NRF1: variants seen among roughly 807,000 people sequenced by gnomAD.
The protein encoded by NRF1 is nuclear respiratory factor 1, also known as alpha palindromic-binding protein.
A neutral mutation model predicts 58.5 loss-of-function variants in NRF1; 5 were observed. The observed-to-expected ratio is 0.09, with a 90% confidence interval of 0.04 to 0.18. The LOEUF (loss-of-function observed/expected upper bound fraction) is 0.18, where lower values mean the gene tolerates loss of function less well. Among genes scored for constraint, NRF1 ranks in the 10% least tolerant of loss-of-function variants. The probability of loss-of-function intolerance (pLI) is 1.00; values close to 1 mark genes in which losing one functional copy is unlikely to be tolerated. For synonymous variants in NRF1, 224 were observed against 246.7 expected (o/e 0.91, Z 0.86); for missense variants, 288 against 657.7 (o/e 0.44, Z 6.15).
chr7:129,755,640 G>A lies in NRF1; in HGVS notation c.*459G>A, dbSNP rs992570673. The A allele has an allele frequency of 1.3e-5, 2 of 152,496 alleles. No individual in the cohort carries two copies. Among genetic ancestry groups the A allele is most frequent in the African/African-American group, 4.8e-5 (2 of 41,398 alleles). The allele number at this position is 152,496 out of a possible 1,614,324, so 9.4% of individuals were successfully genotyped here. A position where few individuals can be genotyped will look rare whatever the true frequency, so the allele number is the denominator to read the frequency against. ...AACAATAATTCACCCAGTTTAGTGGGTGGTAGGGTACGTGGCCAGACACAG... is the reference window on the plus strand; with the variant it reads ...AACAATAATTCACCCAGTTTAGTGGATGGTAGGGTACGTGGCCAGACACAG... On this transcript the variant is annotated 3_prime_UTR_variant, in exon 11 of 11. Transcript: ENST00000393232. This position sits in a 1 kb window ranked among gnomAD's most constrained non-coding sequence, Gnocchi z 5.8.
At chr7:129,636,790 C>G (rs1347028555) in intron 1 of NRF1, among the ~76,000 whole-genome samples, 1 of 152,048 alleles carries the variant, frequency 6.6e-6, no homozygotes, top group Non-Finnish European at 1.5e-5. Flanking sequence ...AAACATAAAC[C>G]TTAGACAATA....
intron 10 of NRF1, among the ~76,000 whole-genome samples, chr7:129,752,606 C>G (rs1804145366): frequency 6.6e-6 from 1 of 152,064 alleles, no homozygotes; most frequent in Non-Finnish European, 1.5e-5. Context: ...AATCCTAGCA[C>G]TTTGGAAAGC....
At chr7:129,736,473 T>G (rs889178613) in intron 10 of NRF1, among the ~76,000 whole-genome samples, 8 of 151,916 alleles carry the variant, frequency 5.3e-5, no homozygotes, top group African/African-American at 2.4e-5. Context: ...GCCAGGCTGG[T>G]CTCGAACTCC....
chr7:129,619,435 C>T (rs12530594), intron 1 of NRF1, among the ~76,000 whole-genome samples: 5,140 of 67,806 alleles, frequency 0.076, 210 homozygotes, highest in Non-Finnish European at 0.093. Context: ...TATATATATA[C>T]ACACACACAC....
chr7:129,694,988 G>A (rs1054242670), intron 5 of NRF1, among the ~76,000 whole-genome samples: 1 of 152,202 alleles, frequency 6.6e-6, no homozygotes, highest in Non-Finnish European at 1.5e-5. Context: ...AGGAAGACGA[G>A]CAGCATAGCC....
At chr7:129,695,462 G>A (rs1011445648) in intron 5 of NRF1, among the ~76,000 whole-genome samples, 2 of 151,772 alleles carry the variant, frequency 1.3e-5, no homozygotes, top group African/African-American at 4.8e-5. Flanking sequence ...CTGTAATCCA[G>A]CTACTCGGGA....
chr7:129,729,436 AT>A (rs1370581813), intron 10 of NRF1, among the ~76,000 whole-genome samples: 1 of 152,162 alleles, frequency 6.6e-6, no homozygotes, highest in Non-Finnish European at 1.5e-5. Flanking sequence ...AAAAGCCAGT[AT>A]TTCCCCCAAA....
intron 3 of NRF1, among the ~76,000 whole-genome samples, chr7:129,673,930 G>A (rs553310162): frequency 1.2e-4 from 18 of 151,928 alleles, no homozygotes; most frequent in East Asian, 7.8e-4. Flanking sequence ...ACCTGAGGTC[G>A]GGAGTTTGAG....
At chr7:129,653,395 C>T (rs1382444660) in intron 1 of NRF1, among the ~76,000 whole-genome samples, 1 of 152,236 alleles carries the variant, frequency 6.6e-6, no homozygotes. Flanking sequence ...CCACTATCAA[C>T]ATCCTGCACC....
intron 1 of NRF1, among the ~76,000 whole-genome samples, chr7:129,614,276 C>T (rs1230717767): frequency 6.6e-6 from 1 of 151,736 alleles, no homozygotes; most frequent in Non-Finnish European, 1.5e-5. Context: ...CCACCATGCC[C>T]GGCTAATTTT....
intron 1 of NRF1, among the ~76,000 whole-genome samples, chr7:129,635,731 C>G (rs73159614): frequency 4.6e-5 from 7 of 152,264 alleles, no homozygotes; most frequent in Non-Finnish European, 8.8e-5. Context: ...TCTCCAGTGC[C>G]CCCAAGTGGT....
intron 3 of NRF1, 29 bp from the exon 4 acceptor site, chr7:129,677,601 CTT>C: frequency 6.2e-7 from 1 of 1,611,034 alleles, no homozygotes; most frequent in South Asian, 1.1e-5. Context: ...CTTTTTAAAA[CTT>C]TTTATTCTTG....
chr7:129,616,831 G>C (rs1800669666), intron 1 of NRF1, among the ~76,000 whole-genome samples: 1 of 152,194 alleles, frequency 6.6e-6, no homozygotes, highest in South Asian at 2.1e-4. Flanking sequence ...CTCTTAAGGA[G>C]AAGTGTGTGT....
At chr7:129,705,189 C>T (rs1413508413) in intron 5 of NRF1, among the ~76,000 whole-genome samples, 1 of 152,100 alleles carries the variant, frequency 6.6e-6, no homozygotes, top group African/African-American at 2.4e-5. Flanking sequence ...GCTATCTCAG[C>T]CTCTTCATTG....
At position 129,614,443 on chromosome 7, in the gene NRF1, T is replaced by TTG. The variant is rs56403369; in HGVS notation, c.-7+2641_-7+2642dup. Among the ~76,000 whole-genome samples, 482 of 145,840 alleles carry TTG rather than the reference T, an allele frequency of 3.3e-3. 3 individuals are homozygous for TTG. The highest frequency in any genetic ancestry group is 4.4e-3 in the Admixed American group (65 of 14,678). On this transcript the variant is annotated intron_variant, in intron 1 of 10. Coordinates refer to ENST00000393232, the MANE Select transcript of NRF1 (RefSeq NM_005011.5). Reference sequence around the variant, plus strand: ...ATAATTTTCTTATAAAAATATGTATTTGTGTGTGTGTGTGTGTGTGTGTAC... The same window carrying TTG: ...ATAATTTTCTTATAAAAATATGTATTTGTGTGTGTGTGTGTGTGTGTGTGTAC...
intron 2 of NRF1, among the ~76,000 whole-genome samples, chr7:129,670,450 G>C (rs1213434483): frequency 6.6e-6 from 1 of 152,136 alleles, no homozygotes; most frequent in Admixed American, 6.6e-5. Context: ...TTGCTTTGAG[G>C]TTCTTTAGAG....
chr7:129,683,314 TGTGTGTGAGA>T (rs1427074633), intron 4 of NRF1, among the ~76,000 whole-genome samples: 1 of 140,296 alleles, frequency 7.1e-6, no homozygotes, highest in African/African-American at 2.7e-5. Flanking sequence ...TGTGTGTGTG[TGTGTGTGAGA>T]GAGAGAGAGA....
chr7:129,719,343 G>T (rs983026890), intron 9 of NRF1, among the ~76,000 whole-genome samples: 1 of 152,044 alleles, frequency 6.6e-6, no homozygotes, highest in Non-Finnish European at 1.5e-5. Flanking sequence ...TGTTGGTCAG[G>T]CTGGTCTCAA....
At chr7:129,709,513 A>G (rs757383871) in intron 6 of NRF1, among the ~76,000 whole-genome samples, 1 of 152,170 alleles carries the variant, frequency 6.6e-6, no homozygotes, top group Non-Finnish European at 1.5e-5. Context: ...AAAGTCAAAG[A>G]AACTTGAAGT....
Sources: allele counts gnomAD v4.1 joint callset (sites outside exome capture counted in the v4.1 genomes callset), GRCh38; gene constraint gnomAD v4.1.1; non-coding constraint Gnocchi (gnomAD v3.1); transcripts MANE v1.5; gene names NCBI Gene and HGNC (gene_info 2026-07-23, HGNC 2026-07-21).